SDK1: variants seen among roughly 807,000 people sequenced by gnomAD.
SDK1 encodes sidekick cell adhesion molecule 1.
A neutral mutation model predicts 245.5 loss-of-function variants in SDK1; 157 were observed. That is an observed-to-expected ratio of 0.64 (90% confidence interval 0.56 to 0.73). The LOEUF is 0.73. Among genes scored for constraint, SDK1 ranks in the 30% least tolerant of loss-of-function variants. SDK1 has a pLI of 0.00. For synonymous variants in SDK1, 1,647 were observed against 1,278.5 expected, an observed-to-expected ratio of 1.29 and a Z score of -6.15; for missense variants, 3,583 against 3,002.3, an observed-to-expected ratio of 1.19 and a Z score of -4.52.
chr7:3,723,973 G>GAA (rs1778928705), intron 4 of SDK1, among the ~76,000 whole-genome samples: 2 of 147,238 alleles, frequency 1.4e-5, no homozygotes, highest in African/African-American at 5.1e-5. Flanking sequence ...GAGAGAGAGA[G>GAA]AGAGAAAGAG....
chr7:3,559,995 G>T (rs1779698606), intron 1 of SDK1, among the ~76,000 whole-genome samples: 1 of 152,210 alleles, frequency 6.6e-6, no homozygotes, highest in African/African-American at 2.4e-5. Flanking sequence ...ATTGGCAGAA[G>T]ACAGAAATGT....
intron 1 of SDK1, among the ~76,000 whole-genome samples, chr7:3,588,176 T>A (rs929912571): frequency 6.6e-6 from 1 of 152,186 alleles, no homozygotes; most frequent in African/African-American, 2.4e-5. Flanking sequence ...ATAATCTGAT[T>A]TGTCAGTCAA....
At chr7:3,998,399 C>G (rs1220619570) in intron 14 of SDK1, among the ~76,000 whole-genome samples, 2 of 152,222 alleles carry the variant, frequency 1.3e-5, no homozygotes, top group African/African-American at 4.8e-5. Context: ...GTAATACATT[C>G]CTTCCATTCC....
At chr7:3,589,877 A>G (rs532135722) in intron 1 of SDK1, among the ~76,000 whole-genome samples, 6 of 152,290 alleles carry the variant, frequency 3.9e-5, no homozygotes, top group Middle Eastern at 3.4e-3. Flanking sequence ...TAATACCCAG[A>G]CTGTGAGGAA....
intron 43 of SDK1, 91 bp from the exon 44 acceptor site, chr7:4,245,585 A>T: frequency 2.0e-6 from 3 of 1,476,504 alleles, no homozygotes; most frequent in Non-Finnish European, 2.8e-6. Context: ...TCTTAGTCCA[A>T]CGCAATAAAG....
chr7:3,354,282 G>C (rs1284409457), intron 1 of SDK1, among the ~76,000 whole-genome samples: 1 of 151,660 alleles, frequency 6.6e-6, no homozygotes, highest in East Asian at 1.9e-4. Context: ...ACAGCGCCTG[G>C]CCTGACCATT....
At chr7:3,302,290 T>A (rs1212981504) in intron 1 of SDK1, 2 of 152,176 alleles carry the variant, frequency 1.3e-5, no homozygotes, top group Non-Finnish European at 2.9e-5. Context: ...CTTGGAAATA[T>A]CAAGTGCCAG....
intron 1 of SDK1, among the ~76,000 whole-genome samples, chr7:3,379,263 T>C (rs1185510158): frequency 6.6e-6 from 1 of 152,174 alleles, no homozygotes; most frequent in Non-Finnish European, 1.5e-5. Flanking sequence ...TATGGTCTTG[T>C]TGGGGAGACA....
chr7:3,989,647 C>A (rs1337039558), intron 14 of SDK1, among the ~76,000 whole-genome samples: 1 of 152,172 alleles, frequency 6.6e-6, no homozygotes, highest in Non-Finnish European at 1.5e-5. Context: ...CCCTGAAACC[C>A]AGCTCCCCGT....
At chr7:4,144,745 A>G (rs1364968068) in intron 28 of SDK1, among the ~76,000 whole-genome samples, 2 of 152,108 alleles carry the variant, frequency 1.3e-5, no homozygotes, top group Non-Finnish European at 2.9e-5. Context: ...CTCCCCACAG[A>G]GGGTGAGCCA....
intron 44 of SDK1, among the ~76,000 whole-genome samples, chr7:4,248,565 C>T (rs561252021): frequency 6.6e-6 from 1 of 152,140 alleles, no homozygotes; most frequent in African/African-American, 2.4e-5. Flanking sequence ...TATACCTATA[C>T]ACCTGAATAC....
chr7:4,122,245 G>T (rs1443082309), intron 25 of SDK1, among the ~76,000 whole-genome samples: 1 of 152,124 alleles, frequency 6.6e-6, no homozygotes, highest in Non-Finnish European at 1.5e-5. Context: ...TTGACTTTGG[G>T]CCTTCCCTGG....
rs960389660 is a variant in SDK1, at chr7:3,625,797, G to C, written c.458+6558G>C. On this transcript the variant is annotated intron_variant, in intron 2 of 44. Transcript: ENST00000404826. ...TGCCAGAGAATCCCCAGGACAGGAA[G>C]CAAGAAATAGGAGGCATGGGTTGAG... is the stretch of plus-strand genomic sequence containing the variant. 5.2e-3 allele frequency among the ~76,000 whole-genome samples: 788 copies of C among 152,304 alleles called. 3 individuals carry two copies. Among genetic ancestry groups the C allele is most frequent in the African/African-American group, 0.018 (763 of 41,552 alleles).
chr7:3,686,339 C>G (rs552236033), intron 4 of SDK1, among the ~76,000 whole-genome samples: 9 of 152,318 alleles, frequency 5.9e-5, no homozygotes, highest in African/African-American at 1.9e-4. Context: ...GCCTGCCAAA[C>G]TGCTGGGATT....
chr7:3,598,139 A>G lies in SDK1; in HGVS notation c.299-20941A>G, dbSNP rs73673635. On this transcript the variant is annotated intron_variant, in intron 1 of 44. Coordinates refer to ENST00000404826, the MANE Select transcript of SDK1 (RefSeq NM_152744.4). ...TCAATTTAGCCACTTATAGTTTCTG[A>G]TGTCAAATGATGTTGAGCAGCTTCC... Among the ~76,000 whole-genome samples the G allele has an allele frequency of 7.7e-3, 1,168 of 152,278 alleles. 16 individuals carry two copies. The highest frequency in any genetic ancestry group is 0.027 in the African/African-American group (1,129 of 41,574).
At chr7:3,553,040 T>C (rs897776859) in intron 1 of SDK1, among the ~76,000 whole-genome samples, 1 of 152,136 alleles carries the variant, frequency 6.6e-6, no homozygotes, top group African/African-American at 2.4e-5. Context: ...AAATAGTAAA[T>C]AAAAAATTTA....
intron 4 of SDK1, among the ~76,000 whole-genome samples, chr7:3,692,978 C>A (rs1269421970): frequency 6.6e-6 from 1 of 151,612 alleles, no homozygotes; most frequent in Non-Finnish European, 1.5e-5. Flanking sequence ...CACGTGTGTA[C>A]CTGTAATATT....
intron 1 of SDK1, among the ~76,000 whole-genome samples, chr7:3,398,342 A>T (rs1022402012): frequency 3.9e-5 from 6 of 152,020 alleles, no homozygotes; most frequent in African/African-American, 1.4e-4. Context: ...AACATTCTAT[A>T]ATCTTGTGAT....
chr7:3,751,845 T>G (rs7341508), intron 4 of SDK1, among the ~76,000 whole-genome samples: 207 of 152,310 alleles, frequency 1.4e-3, no homozygotes, highest in African/African-American at 4.8e-3. Flanking sequence ...CTGAAAGCCC[T>G]GGGAAACTGG....
Sources: gnomAD v4.1 joint callset for allele counts (sites outside exome capture counted in the v4.1 genomes callset) on GRCh38, gnomAD v4.1.1 for gene constraint, MANE v1.5 for transcripts, NCBI Gene and HGNC (gene_info 2026-07-23, HGNC 2026-07-21) for gene names.